SDHAF4: variants seen among roughly 807,000 people sequenced by gnomAD.
SDHAF4 encodes the protein succinate dehydrogenase assembly factor 4, mitochondrial.
SDHAF4 carries 14 observed loss-of-function variants against 14.3 expected under a neutral mutation model. The ratio of observed to expected loss-of-function variants is 0.98; its 90% CI spans 0.65 to 1.53. The LOEUF is 1.53. SDHAF4 is among the 40% of genes most tolerant of loss of function. SDHAF4 has a pLI of 0.00. For synonymous variants in SDHAF4, 63 were observed against 47.3 expected (o/e 1.33, Z -1.36); for missense variants, 141 against 129.3 (o/e 1.09, Z -0.44).
At chr6:70,595,698 C>T in the SDHAF4 span, among the ~76,000 whole-genome samples, 12 of 151,850 alleles carry the variant, frequency 7.9e-5, no homozygotes, top group Admixed American at 1.3e-4. Context: ...TAGCTGGGCG[C>T]GGTGGCGCAC....
At chr6:70,578,441 GT>G (rs1581929097) in intron 1 of SDHAF4, among the ~76,000 whole-genome samples, 1 of 152,116 alleles carries the variant, frequency 6.6e-6, no homozygotes, top group Non-Finnish European at 1.5e-5. Context: ...TTGTTGAGTT[GT>G]TTAAGTTCCT....
chr6:70,572,659 T>A (rs1215614957), intron 1 of SDHAF4, among the ~76,000 whole-genome samples: 3 of 152,092 alleles, frequency 2.0e-5, no homozygotes, highest in African/African-American at 7.2e-5. Flanking sequence ...GTTTTTTTTT[T>A]AAACATGCAA....
intron 2 of SDHAF4, 56 bp from the exon 3 acceptor site, chr6:70,588,559 C>A (rs1427351095): frequency 3.8e-6 from 3 of 783,212 alleles, no homozygotes; most frequent in Non-Finnish European, 6.4e-6. Context: ...ATTAAATTGA[C>A]TATAAGGCCT....
At chr6:70,572,301 A>G (rs1802193140) in intron 1 of SDHAF4, among the ~76,000 whole-genome samples, 1 of 151,730 alleles carries the variant, frequency 6.6e-6, no homozygotes, top group Non-Finnish European at 1.5e-5. Flanking sequence ...GTCTTTTCAG[A>G]GCACCAACCT....
At chr6:70,582,784 T>C (rs2128535537) in intron 2 of SDHAF4, among the ~76,000 whole-genome samples, 1 of 152,314 alleles carries the variant, frequency 6.6e-6, no homozygotes, top group Middle Eastern at 3.4e-3. Flanking sequence ...ATTCAAGCTG[T>C]CTCTAGCTCC....
At chr6:70,583,406 C>A (rs533715424) in intron 2 of SDHAF4, among the ~76,000 whole-genome samples, 1 of 152,174 alleles carries the variant, frequency 6.6e-6, no homozygotes, top group South Asian at 2.1e-4. Flanking sequence ...AGCCACCATG[C>A]CTGGCCGGAA....
At chr6:70,586,555 G>A (rs1275487020) in intron 2 of SDHAF4, among the ~76,000 whole-genome samples, 3 of 150,560 alleles carry the variant, frequency 2.0e-5, no homozygotes, top group Non-Finnish European at 4.4e-5. Context: ...GGGCCTGGCA[G>A]AGTAATAGTG....
At chr6:70,587,168 T>TCACACACACACACACACA (rs56012930) in intron 2 of SDHAF4, among the ~76,000 whole-genome samples, 4,390 of 135,370 alleles carry the variant, frequency 0.032, 101 homozygotes, top group Middle Eastern at 0.069. Flanking sequence ...TGAAACTCCA[T>TCACACACACACACACACA]CACACACACA....
In SDHAF4 at chr6:70,567,011, A is replaced by G; in HGVS notation, c.64+7A>G. The G allele has an allele frequency of 6.3e-7, 1 of 1,581,608 alleles. No individual in the cohort carries two copies. Among genetic ancestry groups the G allele is most frequent in the Non-Finnish European group, 8.6e-7 (1 of 1,163,968 alleles). On this transcript the variant is annotated splice_region_variant and intron_variant, in intron 1 of 2. Transcript: ENST00000370474. ...ACGGCGTGGAGAGCGGCAAGTAAGC[A>G]CCTGGCCTCGGGGCCACGGTCGCGG...
intron 1 of SDHAF4, among the ~76,000 whole-genome samples, chr6:70,569,415 C>T (rs1802152090): frequency 6.6e-6 from 1 of 152,050 alleles, no homozygotes; most frequent in African/African-American, 2.4e-5. Context: ...ATTACAGGCG[C>T]CCACCACCAC....
chr6:70,598,210 C>T, the SDHAF4 span, among the ~76,000 whole-genome samples: 20 of 151,894 alleles, frequency 1.3e-4, no homozygotes, highest in Non-Finnish European at 2.6e-4. Context: ...AAACCCTGTT[C>T]TACTAAAACT....
chr6:70,586,559 A>G (rs1274072590), intron 2 of SDHAF4, among the ~76,000 whole-genome samples: 1 of 150,546 alleles, frequency 6.6e-6, no homozygotes, highest in Non-Finnish European at 1.5e-5. Context: ...CTGGCAGAGT[A>G]ATAGTGGAAT....
At chr6:70,589,881 G>A (rs999739954), downstream of SDHAF4, among the ~76,000 whole-genome samples, 1 of 152,154 alleles carries the variant, frequency 6.6e-6, no homozygotes, top group Non-Finnish European at 1.5e-5. Context: ...CTGATGTCCA[G>A]GCTCTTGATA....
At chr6:70,584,083 TG>T (rs1348739215) in intron 2 of SDHAF4, among the ~76,000 whole-genome samples, 1 of 152,138 alleles carries the variant, frequency 6.6e-6, no homozygotes, top group Non-Finnish European at 1.5e-5. Flanking sequence ...TGGCTTGCAG[TG>T]GTATGATCTC....
chr6:70,580,361 C>G (rs1802307486), intron 2 of SDHAF4, among the ~76,000 whole-genome samples: 1 of 152,012 alleles, frequency 6.6e-6, no homozygotes, highest in African/African-American at 2.4e-5. Flanking sequence ...AAATTGAAAC[C>G]CTCAGGCATT....
At chr6:70,569,223 C>A (rs1802148185) in intron 1 of SDHAF4, among the ~76,000 whole-genome samples, 1 of 151,960 alleles carries the variant, frequency 6.6e-6, no homozygotes, top group South Asian at 2.1e-4. Flanking sequence ...CTCGGCCTCC[C>A]AAAGTGCTGG....
chr6:70,598,284 C>T, the SDHAF4 span, among the ~76,000 whole-genome samples: 1 of 152,124 alleles, frequency 6.6e-6, no homozygotes, highest in African/African-American at 2.4e-5. Flanking sequence ...GAGGCCGAAG[C>T]AGGAGAATTG....
chr6:70,569,117 C>T (rs1434789786), intron 1 of SDHAF4, among the ~76,000 whole-genome samples: 1 of 151,398 alleles, frequency 6.6e-6, no homozygotes, highest in South Asian at 2.1e-4. Flanking sequence ...AGGCGCGCGC[C>T]ACCACGCCCG....
At chr6:70,569,482 G>T (rs1234481784) in intron 1 of SDHAF4, among the ~76,000 whole-genome samples, 1 of 152,140 alleles carries the variant, frequency 6.6e-6, no homozygotes, top group African/African-American at 2.4e-5. Flanking sequence ...GAACTCAGGT[G>T]ATCTATCAGC....
Sources: allele counts gnomAD v4.1 joint callset (sites outside exome capture counted in the v4.1 genomes callset), GRCh38; gene constraint gnomAD v4.1.1; transcripts MANE v1.5; gene names NCBI Gene and HGNC (gene_info 2026-07-23, HGNC 2026-07-21).